Variants in CLEC2A observed in about 807,000 individuals in gnomAD.
The protein encoded by CLEC2A is keratinocyte-associated C-type lectin.
In CLEC2A, 19 loss-of-function variants were observed where a neutral mutation model predicts 18.6. The observed-to-expected ratio is 1.02, with a 90% CI of 0.71 to 1.50. The LOEUF is 1.50. Ranked by LOEUF, CLEC2A falls within the 40% of genes most tolerant of loss-of-function variation. The pLI is 0.00. For synonymous variants in CLEC2A, 74 were observed against 64.0 expected (o/e 1.16, Z -0.75); for missense variants, 190 against 207.9 (o/e 0.91, Z 0.53).
the CLEC2A span, among the ~76,000 whole-genome samples, chr12:9,884,697 G>T: frequency 4.0e-5 from 6 of 150,088 alleles, no homozygotes; most frequent in South Asian, 1.3e-3. Context: ...TCATTTTTAG[G>T]TCCTCAAAAA....
At chr12:9,896,288 G>A (rs555895729), downstream of CLEC2A, among the ~76,000 whole-genome samples, 14 of 152,198 alleles carry the variant, frequency 9.2e-5, no homozygotes, top group Non-Finnish European at 1.8e-4. Flanking sequence ...TGGGGAGTGG[G>A]TAATGAGAAA....
At chr12:9,910,269 G>A (rs530185651), downstream of CLEC2A, among the ~76,000 whole-genome samples, 1 of 152,204 alleles carries the variant, frequency 6.6e-6, no homozygotes, top group East Asian at 1.9e-4. Context: ...CTATCAGGAG[G>A]AATTTCATCA....
chr12:9,900,633 G>T (rs1344968815), intron 4 of CLEC2A, among the ~76,000 whole-genome samples: 2 of 152,140 alleles, frequency 1.3e-5, no homozygotes, highest in Non-Finnish European at 2.9e-5. Flanking sequence ...AACCCTGTGA[G>T]TTGGGTGATC....
At chr12:9,921,327 C>G (rs919933425) in intron 3 of CLEC2A, among the ~76,000 whole-genome samples, 9 of 152,088 alleles carry the variant, frequency 5.9e-5, no homozygotes, top group African/African-American at 2.2e-4. Flanking sequence ...TATGGTATCT[C>G]ATGCTAATTC....
At chr12:9,887,195 C>T in the CLEC2A span, among the ~76,000 whole-genome samples, 5 of 151,408 alleles carry the variant, frequency 3.3e-5, no homozygotes, top group African/African-American at 1.2e-4. Flanking sequence ...AAAGCAAAAC[C>T]AAAAAACATG....
chr12:9,912,399 C>T (rs746904061), downstream of CLEC2A, among the ~76,000 whole-genome samples: 4 of 152,080 alleles, frequency 2.6e-5, no homozygotes, highest in African/African-American at 9.7e-5. Flanking sequence ...AATGGCCTTT[C>T]CCCTGACCCT....
intron 4 of CLEC2A, among the ~76,000 whole-genome samples, chr12:9,906,025 G>GATT (rs368154179): frequency 6.8e-6 from 1 of 146,626 alleles, no homozygotes; most frequent in South Asian, 2.1e-4. Context: ...TATTAGTTTT[G>GATT]TTTTTTTTTT....
chr12:9,893,185 A>C, the CLEC2A span: 1 of 1,524,972 alleles, frequency 6.6e-7, no homozygotes. Flanking sequence ...AATCAAAAAC[A>C]GGATCTAACT....
the CLEC2A span, chr12:9,893,003 C>G: frequency 6.6e-7 from 1 of 1,520,678 alleles, no homozygotes; most frequent in South Asian, 1.2e-5. Context: ...TTAATTTTCC[C>G]CTATGTTTTC....
At chr12:9,879,650 C>G in the CLEC2A span, among the ~76,000 whole-genome samples, 1 of 152,212 alleles carries the variant, frequency 6.6e-6, no homozygotes, top group East Asian at 1.9e-4. Flanking sequence ...TGTTATACCT[C>G]AGAACTGGTT....
intron 4 of CLEC2A, among the ~76,000 whole-genome samples, chr12:9,900,347 G>A (rs1223809020): frequency 2.6e-5 from 4 of 152,082 alleles, no homozygotes; most frequent in South Asian, 2.1e-4. Context: ...TCAAAACAAC[G>A]AGTGATCTTA....
chr12:9,890,426 C>T, the CLEC2A span, among the ~76,000 whole-genome samples: 7 of 152,118 alleles, frequency 4.6e-5, no homozygotes, highest in East Asian at 7.7e-4. Flanking sequence ...CTCTCTCTTA[C>T]GGTGTTGGCA....
chr12:9,919,086 T>C (rs1423116287), intron 3 of CLEC2A, among the ~76,000 whole-genome samples: 1 of 152,220 alleles, frequency 6.6e-6, no homozygotes, highest in East Asian at 1.9e-4. Flanking sequence ...AGCCATGTTC[T>C]CTCTCAATGT....
At chr12:9,916,558 A>G in intron 4 of CLEC2A, 142 bp downstream of exon 4, 2 of 634,524 alleles carry the variant, frequency 3.2e-6, no homozygotes, top group South Asian at 4.0e-5. Flanking sequence ...GTGAAAGGGC[A>G]TATGTCATCG....
At chr12:9,894,116 TTTC>T, downstream of CLEC2A, among the ~76,000 whole-genome samples, 1 of 128,234 alleles carries the variant, frequency 7.8e-6, no homozygotes, top group East Asian at 2.4e-4. Context: ...TTTCTTTTTC[TTTC>T]TTTTCTTTCT....
the CLEC2A span, chr12:9,892,898 T>C: frequency 1.2e-6 from 1 of 809,102 alleles, no homozygotes; most frequent in African/African-American, 2.5e-5. Flanking sequence ...CTCCTTTTTA[T>C]TGACCAAAAA....
At chr12:9,926,194 CTT>C (rs1863268789) in intron 2 of CLEC2A, 64 bp downstream of exon 2, 1 of 955,870 alleles carries the variant, frequency 1.0e-6, no homozygotes, top group Admixed American at 2.4e-5. Flanking sequence ...TGGAGTTAAA[CTT>C]GAGATATACA....
At chr12:9,929,431 A>G (rs144158398) in intron 1 of CLEC2A, among the ~76,000 whole-genome samples, 1 of 152,292 alleles carries the variant, frequency 6.6e-6, no homozygotes, top group African/African-American at 2.4e-5. Context: ...AGCAATTTAA[A>G]AAAGAATTTT....
At chr12:9,886,169 TC>T in the CLEC2A span, among the ~76,000 whole-genome samples, 1 of 152,170 alleles carries the variant, frequency 6.6e-6, no homozygotes, top group Non-Finnish European at 1.5e-5. Flanking sequence ...AATATTTTTT[TC>T]TAGCCATATT....
Sources: gnomAD v4.1 joint callset for allele counts (sites outside exome capture counted in the v4.1 genomes callset) on GRCh38, gnomAD v4.1.1 for gene constraint, MANE v1.5 for transcripts, NCBI Gene and HGNC (gene_info 2026-07-23, HGNC 2026-07-21) for gene names.